KDM4C: variants seen among roughly 807,000 people sequenced by gnomAD.
KDM4C encodes lysine-specific demethylase 4C.
In KDM4C, 81 loss-of-function variants were observed where a neutral mutation model predicts 129.3. That is an observed-to-expected ratio of 0.63 (90% CI 0.52 to 0.75). KDM4C has a LOEUF of 0.75. KDM4C is among the 30% of genes least tolerant of loss of function. The pLI, the probability that KDM4C is intolerant of heterozygous loss-of-function variation, is 0.00. For missense variants in KDM4C, 1,457 were observed against 1,304.0 expected (o/e 1.12, Z -1.81); for synonymous variants, 573 against 456.1 (o/e 1.26, Z -3.26).
chr9:6,776,666 G>A (rs549839228), intron 1 of KDM4C, among the ~76,000 whole-genome samples: 5 of 140,858 alleles, frequency 3.5e-5, no homozygotes, highest in African/African-American at 1.3e-4. Context: ...GTGCAATGGC[G>A]CTATCTCAGC....
chr9:6,764,859 A>C (rs1386478263), intron 1 of KDM4C, among the ~76,000 whole-genome samples: 1 of 152,150 alleles, frequency 6.6e-6, no homozygotes, highest in East Asian at 1.9e-4. Flanking sequence ...AACAAATGTA[A>C]CTCTGATCTT....
At chr9:6,976,775 C>T (rs1382191032) in intron 8 of KDM4C, among the ~76,000 whole-genome samples, 4 of 151,450 alleles carry the variant, frequency 2.6e-5, no homozygotes, top group Non-Finnish European at 4.4e-5. Context: ...TTTAAATTAT[C>T]CATTCCCATT....
intron 19 of KDM4C, among the ~76,000 whole-genome samples, chr9:7,162,657 T>A (rs898093620): frequency 6.6e-6 from 1 of 152,136 alleles, no homozygotes; most frequent in Non-Finnish European, 1.5e-5. Context: ...AAATTGCAAG[T>A]CAGGATTTAT....
intron 5 of KDM4C, among the ~76,000 whole-genome samples, chr9:6,866,179 C>T (rs1019884148): frequency 2.0e-5 from 3 of 152,082 alleles, no homozygotes; most frequent in African/African-American, 7.2e-5. Flanking sequence ...GCCACTGCAC[C>T]CATCCTTTTT....
At chr9:7,070,046 C>CAG (rs1832981575) in intron 17 of KDM4C, among the ~76,000 whole-genome samples, 1 of 151,986 alleles carries the variant, frequency 6.6e-6, no homozygotes, top group Admixed American at 6.5e-5. Context: ...CAAAAGCAGG[C>CAG]AGAACAGGGG....
Position 6,807,710 on chromosome 9 carries a change from G to A in KDM4C, c.320+1936G>A, listed in dbSNP as rs547026457. On this transcript the variant is annotated intron_variant, in intron 3 of 21. Coordinates refer to ENST00000381309, the MANE Select transcript of KDM4C (RefSeq NM_015061.6). The stretch of plus-strand genomic sequence containing the variant: ...GCAGCTGCCCCGTCTGAGAAGTGAG[G>A]AGCCTCTCCGCCCGGCAGCCACCCC... 4.3e-3 allele frequency among the ~76,000 whole-genome samples: 637 copies of A among 148,462 alleles called. 1 individual carries two copies. Among genetic ancestry groups the A allele is most frequent in the South Asian group, 0.017 (78 of 4,666 alleles).
chr9:7,163,490 C>G (rs577558062), intron 19 of KDM4C, among the ~76,000 whole-genome samples: 8 of 152,266 alleles, frequency 5.3e-5, no homozygotes, highest in Admixed American at 2.6e-4. Context: ...ATGTATTACC[C>G]AAGTGGAGAT....
intron 15 of KDM4C, among the ~76,000 whole-genome samples, chr9:7,019,557 T>C (rs748918441): frequency 1.3e-5 from 2 of 151,570 alleles, no homozygotes; most frequent in Non-Finnish European, 2.9e-5. Context: ...ACAAATTTAA[T>C]TGTTCTGTTG....
chr9:6,976,243 C>T (rs1357561129), intron 8 of KDM4C, among the ~76,000 whole-genome samples: 1 of 152,088 alleles, frequency 6.6e-6, no homozygotes, highest in Non-Finnish European at 1.5e-5. Flanking sequence ...TAAGAGGTTA[C>T]TTTGATGCTA....
chr9:6,753,961 G>A (rs956175578), upstream of KDM4C, among the ~76,000 whole-genome samples: 7 of 127,852 alleles, frequency 5.5e-5, no homozygotes, highest in Non-Finnish European at 7.8e-5. Context: ...TGCAAGCTCC[G>A]CCTCCCGGGT....
intron 12 of KDM4C, among the ~76,000 whole-genome samples, chr9:6,995,178 G>A (rs987890764): frequency 6.7e-6 from 1 of 148,954 alleles, no homozygotes; most frequent in African/African-American, 2.5e-5. Flanking sequence ...AAGGAGTGTT[G>A]TGTGAGGAAG....
At chr9:7,023,378 T>A (rs1178914940) in intron 15 of KDM4C, among the ~76,000 whole-genome samples, 2 of 152,180 alleles carry the variant, frequency 1.3e-5, no homozygotes, top group African/African-American at 4.8e-5. Flanking sequence ...AGGTTGAATA[T>A]TTCTAGGAAT....
In KDM4C at chr9:7,128,274, A is replaced by AT. The variant is rs1240769690; in HGVS notation, c.2781+41dup. The AT allele has an allele frequency of 4.9e-6, 7 of 1,442,188 alleles. No homozygotes were observed. The African/African-American group carries it at 5.9e-5, about 12-fold the overall frequency. 89.3% of individuals were successfully genotyped at this position (1,442,188 alleles called of 1,614,324 possible). On this transcript the variant is annotated intron_variant, in intron 19 of 21. Coordinates refer to ENST00000381309, the MANE Select transcript of KDM4C (RefSeq NM_015061.6). ...CCTTGAGTGCCTGCTACCCAGAGTA[A>AT]TTTAAAAAAAAAAACCAAAGTAACT... is the stretch of plus-strand genomic sequence containing the variant.
At chr9:6,921,781 C>G (rs929320227) in intron 8 of KDM4C, among the ~76,000 whole-genome samples, 7 of 152,058 alleles carry the variant, frequency 4.6e-5, no homozygotes, top group African/African-American at 1.7e-4. Context: ...CACTCCCTGC[C>G]CCAACCCCTA....
chr9:6,946,111 G>A (rs1011398637), intron 8 of KDM4C, among the ~76,000 whole-genome samples: 1 of 152,132 alleles, frequency 6.6e-6, no homozygotes, highest in Non-Finnish European at 1.5e-5. Context: ...TATTGCTTGT[G>A]TAATCAAGGG....
chr9:6,843,589 C>T (rs979527689), intron 4 of KDM4C, among the ~76,000 whole-genome samples: 1 of 152,136 alleles, frequency 6.6e-6, no homozygotes, highest in African/African-American at 2.4e-5. Flanking sequence ...CAGCACTGAA[C>T]CCTGGGCGTA....
chr9:7,151,146 A>G (rs1018813023), intron 19 of KDM4C, among the ~76,000 whole-genome samples: 6 of 152,134 alleles, frequency 3.9e-5, no homozygotes, highest in African/African-American at 9.7e-5. Context: ...CCTTGTCTCT[A>G]TAAAAAGCAA....
chr9:6,863,113 G>A (rs968527521), intron 5 of KDM4C, among the ~76,000 whole-genome samples: 3 of 152,008 alleles, frequency 2.0e-5, no homozygotes, highest in South Asian at 2.1e-4. Flanking sequence ...AGGTGACAAC[G>A]TATACAGAAA....
chr9:6,984,079 G>A lies in KDM4C; in HGVS notation c.1116-87G>A, dbSNP rs1275211193. On this transcript the variant is annotated intron_variant, in intron 9 of 21. Transcript: ENST00000381309. ...CAATGTCAGTTGTTTCCTTCTTTAA[G>A]CAAGTGAAAATGACATTTATATTGG... 7.6e-6 allele frequency: 6 copies of A among 790,640 alleles called. No homozygotes were observed. In the African/African-American group the frequency reaches 8.6e-5, roughly 11 times the overall value. The allele number at this position is 790,640 out of a possible 1,614,324, so 49.0% of individuals were successfully genotyped here.
Sources: gnomAD v4.1 joint callset for allele counts (sites outside exome capture counted in the v4.1 genomes callset) on GRCh38, gnomAD v4.1.1 for gene constraint, MANE v1.5 for transcripts, NCBI Gene and HGNC (gene_info 2026-07-23, HGNC 2026-07-21) for gene names.